The following VPS13D variants were observed in gnomAD, a reference collection of about 807,000 sequenced individuals.
The protein encoded by VPS13D is intermembrane lipid transfer protein VPS13D.
Under a neutral mutation model 461.9 loss-of-function variants are expected in VPS13D, and 187 were observed. That is an observed-to-expected ratio of 0.40 (90% CI 0.36 to 0.46). The LOEUF (loss-of-function observed/expected upper bound fraction) is 0.46, where lower values mean the gene tolerates loss of function less well. Ranked by LOEUF, VPS13D falls within the 20% of genes least tolerant of loss-of-function variation. The probability of loss-of-function intolerance (pLI) is 0.60; values close to 1 mark genes in which losing one functional copy is unlikely to be tolerated. For missense variants in VPS13D, 4,711 were observed against 5,364.9 expected, an observed-to-expected ratio of 0.88 and a Z score of 3.81; for synonymous variants, 1,951 against 1,986.3, an observed-to-expected ratio of 0.98 and a Z score of 0.47.
chr1:12,363,106 T>C lies in VPS13D; in HGVS notation c.10307T>C (p.Leu3436Pro). Residue 3436 changes from leucine (L) to proline (P), a missense_variant, in exon 52 of 70, where the codon CTT (leucine) becomes CCT (proline). Around this residue, in one of 3 missense-constraint regions of VPS13D, gnomAD observed 4,411 missense variants for 4,937.8 expected, o/e 0.89. Coordinates refer to ENST00000620676, the MANE Select transcript of VPS13D (RefSeq NM_015378.4). ...TANPEGYISTLPGSSVVFHWP... is the reference protein window; with the variant it reads ...TANPEGYISTPPGSSVVFHWP... The stretch of plus-strand genomic sequence containing the variant: ...AATCCCGAAGGTTACATTTCCACCC[T>C]TCCTGGTTCCAGTGTGGTGTTCCAC... 1 of 1,614,230 alleles carries C rather than the reference T, an allele frequency of 6.2e-7. No homozygotes were observed. The highest frequency in any genetic ancestry group is 8.5e-7 in the Non-Finnish European group (1 of 1,180,040).
chr1:12,320,307 G>A (rs1255056147), intron 32 of VPS13D, among the ~76,000 whole-genome samples: 1 of 152,202 alleles, frequency 6.6e-6, no homozygotes, highest in Non-Finnish European at 1.5e-5. Context: ...GGAGACAGAA[G>A]GGGAATCGTG....
Position 12,473,780 on chromosome 1 carries a change from AGGAGTTCATGT to A in VPS13D, c.12662+13386_12662+13396del, listed in dbSNP as rs928656477. 3.9e-4 allele frequency among the ~76,000 whole-genome samples: 59 copies of A among 152,302 alleles called. No individual in the cohort carries two copies. The highest frequency in any genetic ancestry group is 1.3e-3 in the African/African-American group (53 of 41,568). ...GACCACCTGCTAGAGTGTGAGGACT[AGGAGTTCATGT>A]GCTTGGCTGGGCTTTTGTCCTTCCC... On this transcript the variant is annotated intron_variant, in intron 67 of 69. Transcript: ENST00000620676. This position sits in a 1 kb window ranked among gnomAD's most constrained non-coding sequence, Gnocchi z 4.2.
intron 5 of VPS13D, among the ~76,000 whole-genome samples, chr1:12,247,491 T>TA (rs1228939205): frequency 4.7e-5 from 7 of 149,316 alleles, no homozygotes; most frequent in Admixed American, 1.3e-4. Context: ...AGAAAAAAAT[T>TA]AAAAAAAACC....
At chr1:12,391,064 TC>T (rs1324570189) in intron 60 of VPS13D, among the ~76,000 whole-genome samples, 3 of 152,232 alleles carry the variant, frequency 2.0e-5, no homozygotes, top group African/African-American at 4.8e-5. Flanking sequence ...AGTTTTCTAA[TC>T]ATGCTCTTCC....
At chr1:12,381,934 C>CT (rs1254988498) in intron 57 of VPS13D, among the ~76,000 whole-genome samples, 83 of 107,370 alleles carry the variant, frequency 7.7e-4, no homozygotes, top group African/African-American at 3.2e-3. Context: ...TTCTTTCTTT[C>CT]TTTCTTTCTT....
At position 12,236,506 on chromosome 1, in the gene VPS13D, A is replaced by G. The variant is rs372344723; in HGVS notation, c.97+2143A>G. Among the ~76,000 whole-genome samples the G allele has an allele frequency of 5.9e-5, 9 of 152,094 alleles. No individual in the cohort carries two copies. The South Asian group carries it at 1.9e-3, about 32-fold the overall frequency. On this transcript the variant is annotated intron_variant, in intron 2 of 69. Transcript: ENST00000620676. ...AGCAGTCCTCCTGCCTCAGCCTCCC[A>G]AGCAGCTGGGACCACAGGCATGCAC...
intron 39 of VPS13D, chr1:12,336,294 A>G (rs1371335713): frequency 1.2e-5 from 2 of 168,170 alleles, no homozygotes; most frequent in African/African-American, 4.8e-5. Context: ...AAGTTGTTAA[A>G]AAGGGAGCCC....
chr1:12,326,946 A>G (rs550683989), intron 35 of VPS13D, among the ~76,000 whole-genome samples: 2 of 152,150 alleles, frequency 1.3e-5, no homozygotes, highest in African/African-American at 4.8e-5. Flanking sequence ...CCCGACCAGT[A>G]ATTTTTATTT....
chr1:12,267,846 A>G lies in VPS13D; in HGVS notation c.1727A>G (p.Gln576Arg), dbSNP rs764108503. The G allele has an allele frequency of 2.5e-6, 4 of 1,614,072 alleles. No individual in the cohort carries two copies. The Admixed American group carries it at 5.0e-5, about 20-fold the overall frequency. ...MFPLLVFPNP[Q>R]KEVGRVSQSF... is the part of the protein sequence containing the mutation. ...CATTTTTGTGTGTTTGTTTAATAGC[A>G]AAAAGAAGTTGGCAGAGTCTCACAA... Residue 576 changes from glutamine (Q) to arginine (R), a missense_variant and splice_region_variant, in exon 15 of 70, where the codon CAA becomes CGA. Gln to Arg is a conservative substitution (Grantham distance 43). Transcript: ENST00000620676.
At chr1:12,285,288 A>ATTTAT (rs1553174289) in intron 21 of VPS13D, among the ~76,000 whole-genome samples, 2 of 145,086 alleles carry the variant, frequency 1.4e-5, no homozygotes, top group African/African-American at 5.2e-5. Flanking sequence ...TTATTTATTT[A>ATTTAT]TTTATTTATT....
At chr1:12,288,584 A>C (rs149726520) in intron 22 of VPS13D, among the ~76,000 whole-genome samples, 3,343 of 151,248 alleles carry the variant, frequency 0.022, 155 homozygotes, top group Admixed American at 0.12. Flanking sequence ...GATTAAGTTG[A>C]GATGGAGCCC....
At chr1:12,307,807 G>T (rs1299854268) in intron 26 of VPS13D, among the ~76,000 whole-genome samples, 1 of 152,104 alleles carries the variant, frequency 6.6e-6, no homozygotes, top group Admixed American at 6.6e-5. Context: ...AAAGAATTTT[G>T]GATTAACCGT....
chr1:12,388,666 A>G (rs1644381533), intron 60 of VPS13D, among the ~76,000 whole-genome samples: 1 of 152,134 alleles, frequency 6.6e-6, no homozygotes. Flanking sequence ...GGACAAATAA[A>G]AAATAATTAG....
chr1:12,280,942 T>C (rs1157209701), intron 20 of VPS13D, among the ~76,000 whole-genome samples: 2 of 152,076 alleles, frequency 1.3e-5, no homozygotes, highest in African/African-American at 2.4e-5. Context: ...AATAATTTAA[T>C]TTTTTAAAAA....
Position 12,232,061 on chromosome 1 carries a change from A to G in VPS13D, c.-77+1941A>G, listed in dbSNP as rs188774673. On this transcript the variant is annotated intron_variant, in intron 1 of 69. Coordinates refer to ENST00000620676, the MANE Select transcript of VPS13D (RefSeq NM_015378.4). ...GACTGTTGAGCATTTTTTTTAAAAA[A>G]TTGTTCTTATAACATCTTCTTTAAA... Among the ~76,000 whole-genome samples the G allele has an allele frequency of 3.4e-3, 517 of 152,270 alleles. 1 individual carries two copies. Among genetic ancestry groups the G allele is most frequent in the Non-Finnish European group, 4.8e-3 (327 of 68,018 alleles).
chr1:12,377,072 T>C (rs1419394905), intron 55 of VPS13D, among the ~76,000 whole-genome samples: 2 of 151,982 alleles, frequency 1.3e-5, no homozygotes, highest in East Asian at 3.9e-4. Flanking sequence ...TCTTTTTTTT[T>C]TTTTGAGACG....
chr1:12,406,667 C>A (rs1644659893), intron 63 of VPS13D, among the ~76,000 whole-genome samples: 2 of 152,164 alleles, frequency 1.3e-5, no homozygotes, highest in Admixed American at 1.3e-4. Context: ...AATGCAGAGA[C>A]CAAAGCACAG....
chr1:12,262,227 A>G (rs1464956661), intron 13 of VPS13D, 147 bp downstream of exon 13: 3 of 879,810 alleles, frequency 3.4e-6, no homozygotes, highest in Non-Finnish European at 5.0e-6. Context: ...CTTAGGGGAA[A>G]TACTGGGTTA....
rs549454094 is a variant in VPS13D at position 12,295,203 on chromosome 1, T to G, written c.6033+1499T>G. On this transcript the variant is annotated intron_variant, in intron 24 of 69. Transcript: ENST00000620676. ...CATGCCACCTGCACTTCAGCCTTGG[T>G]GACAGAGCCACCATGACTCAAAAAA... 2.2e-5 allele frequency among the ~76,000 whole-genome samples: 3 copies of G among 135,194 alleles called. No individual in the cohort carries two copies. In the South Asian group the frequency reaches 6.8e-4, roughly 31 times the overall value. 88.7% of individuals were successfully genotyped at this position (135,194 alleles called of 152,430 possible).
Sources: allele counts gnomAD v4.1 joint callset (sites outside exome capture counted in the v4.1 genomes callset), GRCh38; gene constraint gnomAD v4.1.1; regional missense constraint gnomAD v4.1.1; non-coding constraint Gnocchi (gnomAD v3.1); transcripts MANE v1.5; gene names NCBI Gene and HGNC (gene_info 2026-07-23, HGNC 2026-07-21).